The following NARS2 variants were observed in gnomAD, a reference collection of about 807,000 sequenced individuals.
NARS2 encodes the protein asparaginyl-tRNA synthetase 2, mitochondrial, also known as asparaginyl-tRNA synthetase.
NARS2 carries 60 observed loss-of-function variants against 62.9 expected under a neutral mutation model. The ratio of observed to expected loss-of-function variants is 0.95; its 90% CI spans 0.77 to 1.18. The LOEUF is 1.18. Ranked by LOEUF, NARS2 falls within the 50% of genes most tolerant of loss-of-function variation. The probability of loss-of-function intolerance (pLI) is 0.00; values close to 1 mark genes in which losing one functional copy is unlikely to be tolerated. For synonymous variants in NARS2, 196 were observed against 200.0 expected (o/e 0.98, Z 0.17); for missense variants, 619 against 576.4 (o/e 1.07, Z -0.76).
chr11:78,551,730 A>C (rs1012139723), intron 5 of NARS2, among the ~76,000 whole-genome samples: 6 of 152,170 alleles, frequency 3.9e-5, no homozygotes, highest in Non-Finnish European at 5.9e-5. Flanking sequence ...AGGCGCCTGT[A>C]ATCCCAGCTA....
rs200377981 is a variant in NARS2, at chr11:78,568,612, A to G, written c.372+20T>C. ...TAATTAAAGCCTAAACAGCCTCCAC[A>G]AAAGTGTCAGAAATCATACCTTGGC... On this transcript the variant is annotated intron_variant, in intron 3 of 13. Transcript: ENST00000281038. The G allele has an allele frequency of 4.7e-5, 75 of 1,609,052 alleles. No homozygotes were observed. Among genetic ancestry groups the G allele is most frequent in the Admixed American group, 1.2e-4 (7 of 59,288 alleles).
chr11:78,528,465 GA>G (rs993652976), intron 6 of NARS2, among the ~76,000 whole-genome samples: 5 of 150,466 alleles, frequency 3.3e-5, no homozygotes, highest in African/African-American at 4.9e-5. Context: ...ACCAATTACT[GA>G]AAAAAAAATT....
intron 5 of NARS2, among the ~76,000 whole-genome samples, chr11:78,547,435 A>T (rs1855923444): frequency 6.6e-6 from 1 of 152,276 alleles, no homozygotes; most frequent in Admixed American, 6.5e-5. Context: ...TCAGTAAAAG[A>T]ATAGGTTAAA....
At chr11:78,524,556 G>C (rs1159589037) in intron 6 of NARS2, among the ~76,000 whole-genome samples, 1 of 151,986 alleles carries the variant, frequency 6.6e-6, no homozygotes, top group Non-Finnish European at 1.5e-5. Flanking sequence ...ATGAGAAATG[G>C]AATACTTCAT....
intron 7 of NARS2, among the ~76,000 whole-genome samples, chr11:78,492,024 T>G (rs1158475704): frequency 6.6e-6 from 1 of 151,662 alleles, no homozygotes; most frequent in African/African-American, 2.4e-5. Context: ...AATAGACAAT[T>G]CATAATTTAA....
chr11:78,454,360 C>A (rs994395848), intron 11 of NARS2, among the ~76,000 whole-genome samples: 1 of 152,150 alleles, frequency 6.6e-6, no homozygotes, highest in Non-Finnish European at 1.5e-5. Flanking sequence ...TCATGAATGG[C>A]GTTGTGCCAT....
rs1189342288 is a variant in NARS2, at chr11:78,443,344, T to A, written c.1262+317A>T. 4.9e-5 allele frequency among the ~76,000 whole-genome samples: 7 copies of A among 143,376 alleles called. No homozygotes were observed. The East Asian group carries it at 5.9e-4, about 12-fold the overall frequency. The allele number at this position is 143,376 out of a possible 152,430, so 94.1% of individuals were successfully genotyped here. A position where few individuals can be genotyped will look rare whatever the true frequency, so the allele number is the denominator to read the frequency against. Reference sequence around the variant, plus strand: ...TCCGTCTCAAAAAAAAAAAAAAAAATTAAAAAAAAATGTAGGACAAGCTTT... The same window carrying A: ...TCCGTCTCAAAAAAAAAAAAAAAAAATAAAAAAAAATGTAGGACAAGCTTT... On this transcript the variant is annotated intron_variant, in intron 12 of 13. Coordinates refer to ENST00000281038, the MANE Select transcript of NARS2 (RefSeq NM_024678.6).
At chr11:78,541,448 C>T (rs754539644) in intron 5 of NARS2, among the ~76,000 whole-genome samples, 2 of 152,028 alleles carry the variant, frequency 1.3e-5, no homozygotes, top group African/African-American at 4.8e-5. Flanking sequence ...GCATATACCA[C>T]TGTGCCCAGC....
At chr11:78,559,131 C>T (rs1028233846) in intron 5 of NARS2, among the ~76,000 whole-genome samples, 3 of 151,746 alleles carry the variant, frequency 2.0e-5, no homozygotes, top group East Asian at 1.9e-4. Flanking sequence ...AGAGAAACCC[C>T]GTCTCTACTA....
chr11:78,477,993 C>T (rs1416198834), intron 9 of NARS2, among the ~76,000 whole-genome samples: 2 of 152,186 alleles, frequency 1.3e-5, no homozygotes. Context: ...AATACACAGT[C>T]CAAATCATCA....
chr11:78,486,393 C>T (rs542691207), intron 7 of NARS2, among the ~76,000 whole-genome samples: 5 of 152,224 alleles, frequency 3.3e-5, no homozygotes, highest in African/African-American at 1.2e-4. Flanking sequence ...CTAGGGCTCA[C>T]CTCCAAGAAA....
intron 4 of NARS2, among the ~76,000 whole-genome samples, chr11:78,561,419 G>A (rs373907846): frequency 1.3e-5 from 2 of 152,104 alleles, no homozygotes; most frequent in Non-Finnish European, 2.9e-5. Context: ...GCAGCAAAGG[G>A]GCTCCTAAGT....
At chr11:78,524,562 T>C (rs1861232045) in intron 6 of NARS2, among the ~76,000 whole-genome samples, 1 of 152,138 alleles carries the variant, frequency 6.6e-6, no homozygotes, top group African/African-American at 2.4e-5. Context: ...AATGGAATAC[T>C]TCATTATGTG....
At chr11:78,456,214 G>C (rs557805470) in intron 11 of NARS2, among the ~76,000 whole-genome samples, 2 of 152,274 alleles carry the variant, frequency 1.3e-5, no homozygotes, top group Non-Finnish European at 2.9e-5. Flanking sequence ...AACCAAACTT[G>C]TTCAATTAAG....
chr11:78,528,721 G>T, intron 6 of NARS2, 121 bp downstream of exon 6: 1 of 670,994 alleles, frequency 1.5e-6, no homozygotes, highest in Non-Finnish European at 2.6e-6. Flanking sequence ...AAATATTTTG[G>T]AAAATTCAAG....
chr11:78,571,253 C>T (rs941513797), intron 2 of NARS2, 82 bp downstream of exon 2: 10 of 820,424 alleles, frequency 1.2e-5, no homozygotes, highest in African/African-American at 1.7e-5. Flanking sequence ...AGGGGTCCAA[C>T]GTAAACACTG....
At chr11:78,475,428 G>C (rs184710756) in intron 9 of NARS2, among the ~76,000 whole-genome samples, 23 of 152,220 alleles carry the variant, frequency 1.5e-4, no homozygotes, top group Admixed American at 1.5e-3. Flanking sequence ...CCCAGAGGTA[G>C]GATGGCTGAA....
chr11:78,529,035 A>T, intron 5 of NARS2, 99 bp from the exon 6 acceptor site: 2 of 772,578 alleles, frequency 2.6e-6, no homozygotes, highest in Non-Finnish European at 2.2e-6. Context: ...AATGCAATTA[A>T]ATCTATGTGA....
intron 5 of NARS2, among the ~76,000 whole-genome samples, chr11:78,538,449 TAAAG>T (rs952682685): frequency 8.5e-5 from 13 of 152,188 alleles, no homozygotes; most frequent in African/African-American, 2.9e-4. Flanking sequence ...TGTAAACTAA[TAAAG>T]AATCAAGATA....
Sources: allele counts gnomAD v4.1 joint callset (sites outside exome capture counted in the v4.1 genomes callset), GRCh38; gene constraint gnomAD v4.1.1; transcripts MANE v1.5; gene names NCBI Gene and HGNC (gene_info 2026-07-23, HGNC 2026-07-21).